The following TMEM132D variants were observed in gnomAD, a reference collection of about 807,000 sequenced individuals.
TMEM132D encodes the protein mature OL transmembrane protein.
Under a neutral mutation model 62.3 loss-of-function variants are expected in TMEM132D, and 21 were observed. The observed-to-expected ratio is 0.34, with a 90% CI of 0.24 to 0.49. The LOEUF (loss-of-function observed/expected upper bound fraction) is 0.49, where lower values mean the gene tolerates loss of function less well. Among genes scored for constraint, TMEM132D ranks in the 20% least tolerant of loss-of-function variants. TMEM132D has a pLI of 0.99. For missense variants in TMEM132D, 1,346 were observed against 1,402.8 expected, an observed-to-expected ratio of 0.96 and a Z score of 0.65; for synonymous variants, 621 against 575.6, an observed-to-expected ratio of 1.08 and a Z score of -1.13.
At position 129,721,841 on chromosome 12, in the gene TMEM132D, C is replaced by A. The variant is rs150521778; in HGVS notation, c.80-21143G>T. On this transcript the variant is annotated intron_variant, in intron 1 of 8. Coordinates refer to ENST00000422113, the MANE Select transcript of TMEM132D (RefSeq NM_133448.3). ...CACATCCGGCCAGCCAGCTTCCAAG[C>A]GGGCTCTCCCACCCATCACCAGCCA... Among the ~76,000 whole-genome samples the A allele has an allele frequency of 1.2e-3, 186 of 152,306 alleles. 3 individuals are homozygous for A. Among genetic ancestry groups the A allele is most frequent in the Non-Finnish European group, 2.0e-3 (138 of 68,034 alleles).
At chr12:129,458,842 T>A (rs1384604309) in intron 3 of TMEM132D, among the ~76,000 whole-genome samples, 1 of 152,160 alleles carries the variant, frequency 6.6e-6, no homozygotes, top group African/African-American at 2.4e-5. Context: ...TGGAGAGAGA[T>A]GACACTCAGC....
intron 1 of TMEM132D, among the ~76,000 whole-genome samples, chr12:129,776,767 A>G (rs1870939383): frequency 6.7e-6 from 1 of 149,826 alleles, no homozygotes; most frequent in Non-Finnish European, 1.5e-5. Flanking sequence ...GTCTGTAGCT[A>G]CATTTTTAAA....
At chr12:129,119,449 G>C (rs1875993625) in intron 5 of TMEM132D, among the ~76,000 whole-genome samples, 1 of 152,132 alleles carries the variant, frequency 6.6e-6, no homozygotes, top group African/African-American at 2.4e-5. Flanking sequence ...CCATAAAAAA[G>C]AATGAAATCG....
chr12:129,899,254 C>CGGAT (rs779555845), intron 1 of TMEM132D, among the ~76,000 whole-genome samples: 9,993 of 130,702 alleles, frequency 0.076, 794 homozygotes, highest in Middle Eastern at 0.16. Context: ...GATGGATGCA[C>CGGAT]GGATGGATGG....
intron 5 of TMEM132D, among the ~76,000 whole-genome samples, chr12:129,166,210 T>C (rs964004008): frequency 5.3e-5 from 8 of 152,138 alleles, no homozygotes; most frequent in African/African-American, 1.9e-4. Context: ...TCTATGTAAA[T>C]GGATGCACCC....
rs184999281 is a variant in TMEM132D at position 129,666,838 on chromosome 12, T to C, written c.968+32972A>G. 2.4e-4 allele frequency among the ~76,000 whole-genome samples: 36 copies of C among 152,224 alleles called. 1 individual carries two copies. Among genetic ancestry groups the C allele is most frequent in the Middle Eastern group, 3.4e-3 (1 of 294 alleles). On this transcript the variant is annotated intron_variant, in intron 2 of 8. Coordinates refer to ENST00000422113, the MANE Select transcript of TMEM132D (RefSeq NM_133448.3). Reference sequence around the variant, plus strand: ...TTTTACATACAAGGTGTGTAGGGAATGTGTTTTTGGTAAAAGATAATAAGA... The same window carrying C: ...TTTTACATACAAGGTGTGTAGGGAACGTGTTTTTGGTAAAAGATAATAAGA...
At chr12:129,825,311 G>A (rs749371279) in intron 1 of TMEM132D, among the ~76,000 whole-genome samples, 7 of 151,868 alleles carry the variant, frequency 4.6e-5, no homozygotes, top group African/African-American at 9.7e-5. Context: ...GAGCCACTGC[G>A]CCCGGCCCAG....
Position 129,839,496 on chromosome 12 carries a change from C to CA in TMEM132D, c.79+63764dup, listed in dbSNP as rs561465387. On this transcript the variant is annotated intron_variant, in intron 1 of 8. Coordinates refer to ENST00000422113, the MANE Select transcript of TMEM132D (RefSeq NM_133448.3). ...CAGGCTAGTCTTGAACTCCTGACCTCAGGTGATCCGCCTGCCTCAGCCTCC... is the reference window on the plus strand; with the variant it reads ...CAGGCTAGTCTTGAACTCCTGACCTCAAGGTGATCCGCCTGCCTCAGCCTCC... 2.6e-4 allele frequency among the ~76,000 whole-genome samples: 40 copies of CA among 151,112 alleles called. No individual in the cohort carries two copies. The East Asian group carries it at 6.9e-3, about 26-fold the overall frequency.
At chr12:129,760,323 C>CTCTTTTTTT (rs1870313732) in intron 1 of TMEM132D, among the ~76,000 whole-genome samples, 1 of 115,494 alleles carries the variant, frequency 8.7e-6, no homozygotes, top group African/African-American at 3.6e-5. Flanking sequence ...AAGCCACTTT[C>CTCTTTTTTT]TTTTTTTTTT....
chr12:129,842,679 G>T (rs1386909800), intron 1 of TMEM132D, among the ~76,000 whole-genome samples: 1 of 151,880 alleles, frequency 6.6e-6, no homozygotes, highest in Non-Finnish European at 1.5e-5. Context: ...ATGTTGCCCA[G>T]GCGGGTCTAG....
intron 5 of TMEM132D, among the ~76,000 whole-genome samples, chr12:129,129,578 A>G (rs1876311973): frequency 6.6e-6 from 1 of 152,204 alleles, no homozygotes. Context: ...TGTTTTCCAC[A>G]GTGGCTGAAC....
intron 5 of TMEM132D, among the ~76,000 whole-genome samples, chr12:129,184,283 G>A (rs1366144842): frequency 6.6e-6 from 1 of 152,192 alleles, no homozygotes; most frequent in Non-Finnish European, 1.5e-5. Context: ...CTTTACCGCT[G>A]ATAAATTACC....
intron 2 of TMEM132D, among the ~76,000 whole-genome samples, chr12:129,616,352 G>C (rs1227238328): frequency 6.6e-6 from 1 of 152,148 alleles, no homozygotes; most frequent in Non-Finnish European, 1.5e-5. Flanking sequence ...ATCGGGAGAG[G>C]GACACCATGA....
At chr12:129,351,469 T>C (rs1020401414) in intron 3 of TMEM132D, among the ~76,000 whole-genome samples, 10 of 152,130 alleles carry the variant, frequency 6.6e-5, no homozygotes, top group Non-Finnish European at 1.5e-4. Context: ...GCAGGTAGGC[T>C]TACAAAACCC....
At chr12:129,292,408 T>A (rs1398739435) in intron 4 of TMEM132D, among the ~76,000 whole-genome samples, 2 of 152,198 alleles carry the variant, frequency 1.3e-5, no homozygotes, top group Non-Finnish European at 2.9e-5. Flanking sequence ...GAGGGAGCTA[T>A]GCAAGCCCTT....
At chr12:129,308,419 A>C (rs1476833318) in intron 4 of TMEM132D, among the ~76,000 whole-genome samples, 1 of 152,224 alleles carries the variant, frequency 6.6e-6, no homozygotes, top group Admixed American at 6.5e-5. Flanking sequence ...TCTAATTTGC[A>C]TTTATGGTAC....
At chr12:129,106,600 G>A (rs1272676074) in intron 5 of TMEM132D, among the ~76,000 whole-genome samples, 2 of 152,134 alleles carry the variant, frequency 1.3e-5, no homozygotes, top group Admixed American at 6.5e-5. Flanking sequence ...AAAGACGTTT[G>A]TGGGCTTGGG....
intron 3 of TMEM132D, among the ~76,000 whole-genome samples, chr12:129,477,519 T>C (rs898401282): frequency 1.3e-5 from 2 of 152,166 alleles, no homozygotes; most frequent in African/African-American, 2.4e-5. Flanking sequence ...GAGAGAATCA[T>C]GTTAAAAATA....
chr12:129,174,108 ATTTT>A (rs1877827291), intron 5 of TMEM132D, among the ~76,000 whole-genome samples: 1 of 152,090 alleles, frequency 6.6e-6, no homozygotes, highest in South Asian at 2.1e-4. Context: ...GCTTTTCTTT[ATTTT>A]ATTTTACCTT....
Sources: allele counts gnomAD v4.1 joint callset (sites outside exome capture counted in the v4.1 genomes callset), GRCh38; gene constraint gnomAD v4.1.1; transcripts MANE v1.5; gene names NCBI Gene and HGNC (gene_info 2026-07-23, HGNC 2026-07-21).